Variants in ABCF3 observed in about 807,000 individuals in gnomAD.
ABCF3 encodes ATP-binding cassette sub-family F member 3.
In ABCF3, 62 loss-of-function variants were observed where a neutral mutation model predicts 94.3. The observed-to-expected ratio is 0.66, with a 90% CI of 0.54 to 0.81. The LOEUF is 0.81. ABCF3 is among the 40% of genes least tolerant of loss of function. The pLI is 0.00. For synonymous variants in ABCF3, 355 were observed against 361.1 expected (o/e 0.98, Z 0.19); for missense variants, 843 against 925.3 (o/e 0.91, Z 1.15).
chr3:184,190,005 GC>G lies in ABCF3; in HGVS notation c.1391+77del. The G allele has an allele frequency of 4.6e-6, 7 of 1,518,736 alleles. No individual in the cohort carries two copies. The Admixed American group carries it at 1.0e-4, about 23-fold the overall frequency. 94.1% of individuals were successfully genotyped at this position (1,518,736 alleles called of 1,614,324 possible). Reference sequence around the variant, plus strand: ...CCTTCCGCATTTGCACGCCACCCTTGCCCTACCATTCTAGGTCTCCCCTTCG... The same window carrying G: ...CCTTCCGCATTTGCACGCCACCCTTGCCTACCATTCTAGGTCTCCCCTTCG... On this transcript the variant is annotated intron_variant, in intron 14 of 20. Coordinates refer to ENST00000429586, the MANE Select transcript of ABCF3 (RefSeq NM_018358.3).
rs376539324 is a variant in ABCF3 at position 184,189,380 on chromosome 3, T to A, written c.1058-8T>A. The A allele has an allele frequency of 1.2e-6, 2 of 1,614,100 alleles. No homozygotes were observed. Among genetic ancestry groups the A allele is most frequent in the Non-Finnish European group, 8.5e-7 (1 of 1,180,044 alleles). On this transcript the variant is annotated splice_region_variant and splice_polypyrimidine_tract_variant and intron_variant, in intron 11 of 20. Coordinates refer to ENST00000429586, the MANE Select transcript of ABCF3 (RefSeq NM_018358.3). ...CAATCCCAAGTGTGTGCTCCCCTGC[T>A]TCTCCAGAACCTACAAACATGCTGG... is the stretch of plus-strand genomic sequence containing the variant.
At chr3:184,188,479 C>T (rs1469557737) in intron 7 of ABCF3, 72 bp downstream of exon 7, 29 of 1,532,588 alleles carry the variant, frequency 1.9e-5, no homozygotes, top group Non-Finnish European at 2.3e-5. Context: ...CTGGAACAAT[C>T]CATAATTTGC....
In ABCF3 at chr3:184,189,460, G is replaced by A. The variant is rs1715864674; in HGVS notation, c.1113+17G>A. The A allele has an allele frequency of 1.2e-6, 2 of 1,614,088 alleles. No individual in the cohort carries two copies. Among genetic ancestry groups the A allele is most frequent in the Non-Finnish European group, 1.7e-6 (2 of 1,180,004 alleles). ...TACCTGCAGGTGAGTGCCTGTGGGTGCTGGAGTGTGTTGGGGAAAGGCGGC... is the reference window on the plus strand; with the variant it reads ...TACCTGCAGGTGAGTGCCTGTGGGTACTGGAGTGTGTTGGGGAAAGGCGGC... On this transcript the variant is annotated intron_variant, in intron 12 of 20. Transcript: ENST00000429586.
rs1301871232 is a variant in ABCF3 at position 184,188,236 on chromosome 3, TGCTG to T, written c.668_671del (p.Leu223ProfsTer111). On this transcript the variant is annotated frameshift_variant, in exon 7 of 21. Coordinates refer to ENST00000429586, the MANE Select transcript of ABCF3 (RefSeq NM_018358.3). LOFTEE classifies it high-confidence loss of function. ...TTGGGGAAGACAACGTTACTGAAGA[TGCTG>T]GCCACCCGGAGTCTGCGGGTTCCAG... 6.2e-7 allele frequency: 1 copy of T among 1,614,164 alleles called. No homozygotes were observed. Among genetic ancestry groups the T allele is most frequent in the Non-Finnish European group, 8.5e-7 (1 of 1,180,036 alleles).
Position 184,193,825 on chromosome 3 carries a change from C to A in ABCF3, c.*127C>A. 1 of 1,203,824 alleles carries A rather than the reference C, an allele frequency of 8.3e-7. No individual in the cohort carries two copies. Among genetic ancestry groups the A allele is most frequent in the Non-Finnish European group, 1.1e-6 (1 of 880,302 alleles). 74.6% of individuals were successfully genotyped at this position (1,203,824 alleles called of 1,614,324 possible). On this transcript the variant is annotated 3_prime_UTR_variant, in exon 21 of 21. Transcript: ENST00000429586. The surrounding 1 kb of genome is among the most constrained non-coding windows in gnomAD (Gnocchi z 5.2). ...GGGACAGCCTTATTCCCAAATGTCTCTATCCTTTTGACTGGAGCATCTTCT... is the reference window on the plus strand; with the variant it reads ...GGGACAGCCTTATTCCCAAATGTCTATATCCTTTTGACTGGAGCATCTTCT...
In ABCF3 at chr3:184,191,171, T is replaced by C; in HGVS notation, c.1485T>C (p.Asp495=). 1 of 1,614,150 alleles carries C rather than the reference T, an allele frequency of 6.2e-7. No homozygotes were observed. The highest frequency in any genetic ancestry group is 1.3e-5 in the African/African-American group (1 of 75,022). Residue 495 remains aspartate, a synonymous_variant, in exon 16 of 21, where the codon GAT becomes GAC. Coordinates refer to ENST00000429586, the MANE Select transcript of ABCF3 (RefSeq NM_018358.3). ...TCTCGCCGCCAATTCTGCAGCTAGA[T>C]GAGGTGGATTTCTACTACGATCCGA... ...EKFSPPILQL[D]EVDFYYDPKH...
rs199681068 is a variant in ABCF3 at position 184,192,552 on chromosome 3, G to A, written c.1570-49G>A. 34 of 1,530,002 alleles carry A rather than the reference G, an allele frequency of 2.2e-5. No homozygotes were observed. The East Asian group carries it at 2.5e-4, about 11-fold the overall frequency. The allele number at this position is 1,530,002 out of a possible 1,614,324, so 94.8% of individuals were successfully genotyped here. On this transcript the variant is annotated intron_variant, in intron 16 of 20. Coordinates refer to ENST00000429586, the MANE Select transcript of ABCF3 (RefSeq NM_018358.3). ...GCCCACATATGAATGAGAACATACCGTATTTATTTTTCTGGCACACACTGT... is the reference window on the plus strand; with the variant it reads ...GCCCACATATGAATGAGAACATACCATATTTATTTTTCTGGCACACACTGT...
chr3:184,193,892 T>A lies in ABCF3; in HGVS notation c.*194T>A. 1 of 707,270 alleles carries A rather than the reference T, an allele frequency of 1.4e-6. No individual in the cohort carries two copies. The highest frequency in any genetic ancestry group is 2.2e-6 in the Non-Finnish European group (1 of 447,760). 43.8% of individuals were successfully genotyped at this position (707,270 alleles called of 1,614,324 possible). On this transcript the variant is annotated 3_prime_UTR_variant, in exon 21 of 21. Transcript: ENST00000429586. The surrounding 1 kb of genome is among the most constrained non-coding windows in gnomAD (Gnocchi z 5.2). The stretch of plus-strand genomic sequence containing the variant: ...CCATCCAAGGGTTGGTGAGGACTGG[T>A]CTCCCGGGGGTGGGGGTCTGGGGGG...
rs769424921 is a variant in ABCF3, at chr3:184,188,916, T to C, written c.918-13T>C. ...ACTGTTCCAACTGAGTTCTTCGATT[T>C]CTTCTCTACTAGGGCATCAGTCATT... On this transcript the variant is annotated splice_polypyrimidine_tract_variant and intron_variant, in intron 8 of 20. Coordinates refer to ENST00000429586, the MANE Select transcript of ABCF3 (RefSeq NM_018358.3). 6.2e-7 allele frequency: 1 copy of C among 1,614,198 alleles called. No individual in the cohort carries two copies. Among genetic ancestry groups the C allele is most frequent in the East Asian group, 2.2e-5 (1 of 44,878 alleles).
chr3:184,190,531 C>T (rs1389216188), intron 14 of ABCF3: 2 of 165,904 alleles, frequency 1.2e-5, no homozygotes, highest in African/African-American at 4.8e-5. Context: ...AAAGCAACAA[C>T]ATCATTTTAC....
chr3:184,189,647 C>T lies in ABCF3; in HGVS notation c.1204C>T (p.Leu402=). The change falls in exon 13 of 21, where the codon CTA becomes TTA. Residue 402 remains leucine, a synonymous_variant. Coordinates refer to ENST00000429586, the MANE Select transcript of ABCF3 (RefSeq NM_018358.3). ...TDIIHLHSQR[L]DGYRGDFETF... is the part of the protein sequence containing the mutation. ...CATCATCCACCTGCACAGCCAGCGGCTAGATGGTTACCGGGGAGACTTTGA... is the reference window on the plus strand; with the variant it reads ...CATCATCCACCTGCACAGCCAGCGGTTAGATGGTTACCGGGGAGACTTTGA... 1 of 1,614,214 alleles carries T rather than the reference C, an allele frequency of 6.2e-7. No individual in the cohort carries two copies.
rs750232742 is a variant in ABCF3, at chr3:184,193,580, G to A, written c.2012G>A (p.Arg671Lys). ...GTGTCCCACGATGAGCGCTTTATCAGGCTGGTGTGCCGGGAGTTGTGGGTA... is the reference window on the plus strand; with the variant it reads ...GTGTCCCACGATGAGCGCTTTATCAAGCTGGTGTGCCGGGAGTTGTGGGTA... ...ILVSHDERFIRLVCRELWVCE... is the reference protein window; with the variant it reads ...ILVSHDERFIKLVCRELWVCE... The change falls in exon 21 of 21, where the codon AGG becomes AAG. Residue 671 changes from arginine (R) to lysine (K), a missense_variant. By Grantham distance (26) the Arg-to-Lys change is conservative. Transcript: ENST00000429586. This position sits in a 1 kb window ranked among gnomAD's most constrained non-coding sequence, Gnocchi z 5.2. The A allele has an allele frequency of 6.2e-7, 1 of 1,614,200 alleles. No homozygotes were observed. The highest frequency in any genetic ancestry group is 1.1e-5 in the South Asian group (1 of 91,086).
chr3:184,189,176 A>G lies in ABCF3; in HGVS notation c.1034+32A>G, dbSNP rs199677662. On this transcript the variant is annotated intron_variant, in intron 10 of 20. Transcript: ENST00000429586. ...CTCCTGGGCCAGTGTATGAAGCCCT[A>G]TGGAAGATTGGTCTTAGCTCTTGGG... The G allele has an allele frequency of 2.3e-4, 365 of 1,614,166 alleles. 1 individual carries two copies. Among genetic ancestry groups the G allele is most frequent in the Non-Finnish European group, 2.0e-4 (237 of 1,180,032 alleles).
chr3:184,188,678 A>G, intron 7 of ABCF3, 83 bp from the exon 8 acceptor site: 6 of 1,402,602 alleles, frequency 4.3e-6, no homozygotes, highest in Middle Eastern at 1.8e-4. Context: ...AAGGTAGCCA[A>G]TGGCCTTTCC....
chr3:184,188,439 G>A, intron 7 of ABCF3, 32 bp downstream of exon 7: 1 of 1,586,042 alleles, frequency 6.3e-7, no homozygotes, highest in Non-Finnish European at 8.6e-7. Flanking sequence ...GTAACTAGCA[G>A]CCGCTGTCGC....
rs548036349 is a variant in ABCF3 at position 184,190,099 on chromosome 3, A to G, written c.1391+168A>G. ...TATTCCACACTGTTCTTGGAGGGCTAATCTTGACTAGCACATGGCAACCAC... is the reference window on the plus strand; with the variant it reads ...TATTCCACACTGTTCTTGGAGGGCTGATCTTGACTAGCACATGGCAACCAC... On this transcript the variant is annotated intron_variant, in intron 14 of 20. Coordinates refer to ENST00000429586, the MANE Select transcript of ABCF3 (RefSeq NM_018358.3). The G allele has an allele frequency of 2.2e-5, 15 of 678,440 alleles. No homozygotes were observed. In the South Asian group the frequency reaches 2.8e-4, roughly 13 times the overall value. 42.0% of individuals were successfully genotyped at this position (678,440 alleles called of 1,614,324 possible). A position where few individuals can be genotyped will look rare whatever the true frequency, so the allele number is the denominator to read the frequency against.
intron 7 of ABCF3, 134 bp from the exon 8 acceptor site, chr3:184,188,627 C>T: frequency 9.5e-7 from 1 of 1,051,160 alleles, no homozygotes. Flanking sequence ...GTAATGAGCA[C>T]TGTGCAAACC....
intron 3 of ABCF3, 37 bp downstream of exon 3, chr3:184,186,912 G>T: frequency 6.3e-7 from 1 of 1,594,280 alleles, no homozygotes; most frequent in Non-Finnish European, 8.6e-7. Context: ...CTGCCCCCCT[G>T]TGCTTTTCTC....
Position 184,192,827 on chromosome 3 carries a change from A to T in ABCF3, c.1681A>T (p.Ser561Cys), listed in dbSNP as rs143335442. The T allele has an allele frequency of 2.5e-5, 40 of 1,614,024 alleles. No homozygotes were observed. The highest frequency in any genetic ancestry group is 3.2e-5 in the Non-Finnish European group (38 of 1,179,996). The part of the protein sequence containing the change: ...AHRNLKIGYF[S>C]QHHVEQLDLN... ...CAGGAATCTGAAGATTGGCTATTTC[A>T]GCCAGCACCATGTGGAGCAGCTGGA... is the stretch of plus-strand genomic sequence containing the variant. Residue 561 changes from serine to cysteine, a missense_variant, in exon 18 of 21, where the codon AGC (serine) becomes TGC (cysteine). Physicochemically the swap from Ser to Cys is moderately radical, Grantham distance 112 (BLOSUM62 -1). Coordinates refer to ENST00000429586, the MANE Select transcript of ABCF3 (RefSeq NM_018358.3).
Sources: gnomAD v4.1 joint callset for allele counts on GRCh38, gnomAD v4.1.1 for gene constraint, Gnocchi (gnomAD v3.1) non-coding constraint, MANE v1.5 for transcripts, NCBI Gene and HGNC (gene_info 2026-07-23, HGNC 2026-07-21) for gene names.